The following ERI3 variants were observed in gnomAD, a reference collection of about 807,000 sequenced individuals.
ERI3 encodes the protein ERI1 exoribonuclease family member 3, also known as ERI1 exoribonuclease 3.
In ERI3, 18 loss-of-function variants were observed where a neutral mutation model predicts 44.4. That is an observed-to-expected ratio of 0.41 (90% CI 0.28 to 0.60). ERI3 has a LOEUF of 0.60. Ranked by LOEUF, ERI3 falls within the 20% of genes least tolerant of loss-of-function variation. The probability of loss-of-function intolerance (pLI) is 0.36; values close to 1 mark genes in which losing one functional copy is unlikely to be tolerated. For synonymous variants in ERI3, 183 were observed against 164.8 expected, an observed-to-expected ratio of 1.11 and a Z score of -0.84; for missense variants, 294 against 435.5, an observed-to-expected ratio of 0.68 and a Z score of 2.89.
At chr1:44,248,832 G>A (rs943600218) in intron 7 of ERI3, among the ~76,000 whole-genome samples, 1 of 151,970 alleles carries the variant, frequency 6.6e-6, no homozygotes. Context: ...GTTGGGGAAG[G>A]AAGTGCTGGG....
intron 8 of ERI3, among the ~76,000 whole-genome samples, chr1:44,230,851 C>A (rs1310421530): frequency 6.6e-6 from 1 of 152,218 alleles, no homozygotes; most frequent in Non-Finnish European, 1.5e-5. Flanking sequence ...TTCACAGTAA[C>A]ACAGTCAACC....
chr1:44,310,978 CA>C (rs1645958835), intron 5 of ERI3, among the ~76,000 whole-genome samples: 1 of 120,992 alleles, frequency 8.3e-6, no homozygotes. Flanking sequence ...CACACACACA[CA>C]CACACACACA....
chr1:44,221,788 T>C lies in ERI3; in HGVS notation c.932-148A>G, dbSNP rs1252989986. The C allele has an allele frequency of 3.4e-5, 22 of 648,664 alleles. No individual in the cohort carries two copies. In the Middle Eastern group the frequency reaches 9.5e-4, roughly 28 times the overall value. 40.2% of individuals were successfully genotyped at this position (648,664 alleles called of 1,614,324 possible). A position where few individuals can be genotyped will look rare whatever the true frequency, so the allele number is the denominator to read the frequency against. ...GTGGTCCCATCCCCTGGTGGCAGCA[T>C]TCCTAGCTTCAGGTTGGTCTGGGTG... On this transcript the variant is annotated intron_variant, in intron 8 of 8. Transcript: ENST00000372257. This position sits in a 1 kb window ranked among gnomAD's most constrained non-coding sequence, Gnocchi z 5.9.
intron 3 of ERI3, among the ~76,000 whole-genome samples, chr1:44,334,366 G>A (rs533146425): frequency 2.6e-5 from 4 of 152,186 alleles, no homozygotes; most frequent in Non-Finnish European, 5.9e-5. Flanking sequence ...TGGGCCTCAG[G>A]GTCACAACAA....
intron 6 of ERI3, among the ~76,000 whole-genome samples, chr1:44,295,373 G>A (rs1415416218): frequency 1.3e-5 from 2 of 152,164 alleles, no homozygotes; most frequent in African/African-American, 4.8e-5. Flanking sequence ...TGCCTTCATT[G>A]TAGTGTTTTC....
intron 2 of ERI3, among the ~76,000 whole-genome samples, chr1:44,345,308 G>T (rs1341442792): frequency 6.6e-6 from 1 of 152,178 alleles, no homozygotes; most frequent in East Asian, 1.9e-4. Flanking sequence ...TGTGAAACAG[G>T]TGGTCTACTC....
intron 3 of ERI3, among the ~76,000 whole-genome samples, 158 bp downstream of exon 3, chr1:44,338,887 A>G (rs1646589328): frequency 6.6e-6 from 1 of 152,190 alleles, no homozygotes; most frequent in Non-Finnish European, 1.5e-5. Context: ...TTACACTAGC[A>G]TACCTGAAAC....
intron 3 of ERI3, among the ~76,000 whole-genome samples, chr1:44,323,805 T>C (rs563047561): frequency 1.3e-5 from 2 of 152,310 alleles, no homozygotes; most frequent in South Asian, 4.1e-4. Context: ...CTTACACTGC[T>C]TGTGAGGGAC....
chr1:44,339,340 T>TA lies in ERI3; in HGVS notation c.212-19dup, dbSNP rs372090718. ...ATCTAAAACTTAGGGGAGGAAAGTT[T>TA]AAAAAAAAAAAAAAAAAAGAAAAGA... On this transcript the variant is annotated intron_variant, in intron 2 of 8. Coordinates refer to ENST00000372257, the MANE Select transcript of ERI3 (RefSeq NM_024066.3). 74,976 of 965,410 alleles carry TA rather than the reference T, an allele frequency of 0.078. 1 individual carries two copies. Among genetic ancestry groups the TA allele is most frequent in the Middle Eastern group, 0.083 (205 of 2,470 alleles). The allele number at this position is 965,410 out of a possible 1,614,324, so 59.8% of individuals were successfully genotyped here. A position where few individuals can be genotyped will look rare whatever the true frequency, so the allele number is the denominator to read the frequency against.
chr1:44,263,681 G>A (rs1035097500), intron 7 of ERI3, among the ~76,000 whole-genome samples: 1 of 152,206 alleles, frequency 6.6e-6, no homozygotes, highest in Non-Finnish European at 1.5e-5. Context: ...CTCCTGAGAG[G>A]AGTATAGGCT....
intron 6 of ERI3, among the ~76,000 whole-genome samples, chr1:44,298,883 A>C (rs1005276120): frequency 1.3e-5 from 2 of 152,176 alleles, no homozygotes; most frequent in African/African-American, 4.8e-5. Flanking sequence ...CATAGCACTG[A>C]ACTCTAGCCT....
chr1:44,343,632 C>A (rs1646727569), intron 2 of ERI3, among the ~76,000 whole-genome samples: 1 of 152,144 alleles, frequency 6.6e-6, no homozygotes, highest in South Asian at 2.1e-4. Context: ...GACTTGATAA[C>A]CAAATGCAAC....
At chr1:44,232,865 A>T (rs1572067221) in intron 8 of ERI3, among the ~76,000 whole-genome samples, 1 of 152,222 alleles carries the variant, frequency 6.6e-6, no homozygotes, top group Non-Finnish European at 1.5e-5. Flanking sequence ...TTCTATAATT[A>T]TACAGGGGTT....
chr1:44,283,030 A>T (rs1335051350), intron 7 of ERI3, among the ~76,000 whole-genome samples: 2 of 152,076 alleles, frequency 1.3e-5, no homozygotes, highest in African/African-American at 2.4e-5. Context: ...ATACACCAAA[A>T]AGTCTAGTGA....
At chr1:44,260,284 G>C (rs111380090) in intron 7 of ERI3, among the ~76,000 whole-genome samples, 7,040 of 152,338 alleles carry the variant, frequency 0.046, 183 homozygotes, top group African/African-American at 0.065. Flanking sequence ...CTCAGGACCA[G>C]TGGCCTCTGG....
chr1:44,300,567 G>C (rs970931052), intron 6 of ERI3, among the ~76,000 whole-genome samples: 1 of 152,218 alleles, frequency 6.6e-6, no homozygotes, highest in African/African-American at 2.4e-5. Context: ...GCAGCTCCAG[G>C]ATCACATGGA....
chr1:44,226,778 A>AACACAC (rs60011057), intron 8 of ERI3, among the ~76,000 whole-genome samples: 15,347 of 143,290 alleles, frequency 0.11, 862 homozygotes, highest in South Asian at 0.17. Flanking sequence ...AGCATTATTA[A>AACACAC]ACACACACAC....
At chr1:44,248,211 C>G (rs949659575) in intron 7 of ERI3, among the ~76,000 whole-genome samples, 173 bp from the exon 8 acceptor site, 1 of 152,114 alleles carries the variant, frequency 6.6e-6, no homozygotes, top group Non-Finnish European at 1.5e-5. Flanking sequence ...CAGAAACTCC[C>G]TTCCTTCTCC....
chr1:44,299,850 G>A (rs1645687482), intron 6 of ERI3, among the ~76,000 whole-genome samples: 1 of 152,060 alleles, frequency 6.6e-6, no homozygotes, highest in African/African-American at 2.4e-5. Context: ...CTGGTTCTGA[G>A]GCCCTCTGAA....
Sources: allele counts gnomAD v4.1 joint callset (sites outside exome capture counted in the v4.1 genomes callset), GRCh38; gene constraint gnomAD v4.1.1; non-coding constraint Gnocchi (gnomAD v3.1); transcripts MANE v1.5; gene names NCBI Gene and HGNC (gene_info 2026-07-23, HGNC 2026-07-21).